Variants in RAP1B observed in about 807,000 individuals in gnomAD.
The protein encoded by RAP1B is RAP1B, member of RAS oncogene family.
A neutral mutation model predicts 27.5 loss-of-function variants in RAP1B; 1 was observed. The observed-to-expected ratio is 0.04, with a 90% CI of 0.01 to 0.17. The LOEUF is 0.17. Ranked by LOEUF, RAP1B falls within the 10% of genes least tolerant of loss-of-function variation. The pLI, the probability that RAP1B is intolerant of heterozygous loss-of-function variation, is 1.00. For synonymous variants in RAP1B, 75 were observed against 73.1 expected, an observed-to-expected ratio of 1.03 and a Z score of -0.13; for missense variants, 84 against 214.8, an observed-to-expected ratio of 0.39 and a Z score of 3.81.
intron 1 of RAP1B, among the ~76,000 whole-genome samples, chr12:68,635,675 G>A (rs771141292): frequency 8.6e-5 from 13 of 151,204 alleles, no homozygotes; most frequent in Admixed American, 2.0e-4. Flanking sequence ...GGCTGGTCTC[G>A]AACTCCTGAC....
chr12:68,646,930 A>AT (rs1265609911), intron 1 of RAP1B, among the ~76,000 whole-genome samples: 1 of 152,174 alleles, frequency 6.6e-6, no homozygotes, highest in African/African-American at 2.4e-5. Flanking sequence ...CCAATTTTCC[A>AT]TTTTAGGTTT....
At chr12:68,642,704 T>G in intron 1 of RAP1B, 1 of 1,137,876 alleles carries the variant, frequency 8.8e-7, no homozygotes, top group South Asian at 1.2e-5. Context: ...AGCACAAGAT[T>G]TCACATCTTT....
At chr12:68,627,734 A>G (rs1871914692) in intron 1 of RAP1B, among the ~76,000 whole-genome samples, 1 of 152,148 alleles carries the variant, frequency 6.6e-6, no homozygotes, top group Non-Finnish European at 1.5e-5. Context: ...ATGTTAATTT[A>G]TCTTTAGAGA....
intron 1 of RAP1B, among the ~76,000 whole-genome samples, chr12:68,623,553 A>G (rs1361534403): frequency 6.6e-6 from 1 of 152,252 alleles, no homozygotes; most frequent in African/African-American, 2.4e-5. Flanking sequence ...ATCAAACACA[A>G]TATTAATGTG....
At position 68,665,778 on chromosome 12, in the gene RAP1B, G is replaced by T. The variant is rs1304543430; in HGVS notation, c.*6529G>T. ...ATCCTCTAATTAGTACCAGGTCTATGTATATCTGCAGCAACTATAAAGTCT... is the reference window on the plus strand; with the variant it reads ...ATCCTCTAATTAGTACCAGGTCTATTTATATCTGCAGCAACTATAAAGTCT... On this transcript the variant is annotated 3_prime_UTR_variant, in exon 8 of 8. Transcript: ENST00000250559. 6.6e-6 allele frequency: 1 copy of T among 151,954 alleles called. No homozygotes were observed. Among genetic ancestry groups the T allele is most frequent in the Non-Finnish European group, 1.5e-5 (1 of 68,008 alleles). The allele number at this position is 151,954 out of a possible 1,614,324, so 9.4% of individuals were successfully genotyped here.
intron 1 of RAP1B, among the ~76,000 whole-genome samples, chr12:68,640,056 G>T (rs1350605087): frequency 6.6e-6 from 1 of 151,870 alleles, no homozygotes; most frequent in Admixed American, 6.6e-5. Flanking sequence ...GGTCAGGATG[G>T]TCTCCATCTC....
At chr12:68,646,653 A>C (rs1294982466) in intron 1 of RAP1B, among the ~76,000 whole-genome samples, 2 of 152,242 alleles carry the variant, frequency 1.3e-5, no homozygotes, top group African/African-American at 4.8e-5. Flanking sequence ...ATATGTAGTC[A>C]GTCCCACTCT....
At chr12:68,642,737 G>T in intron 1 of RAP1B, 1 of 1,075,606 alleles carries the variant, frequency 9.3e-7, no homozygotes, top group Non-Finnish European at 1.4e-6. Context: ...CACCTGCGCA[G>T]TATATTTATC....
chr12:68,653,878 C>A (rs1329687884), intron 4 of RAP1B, among the ~76,000 whole-genome samples: 1 of 151,916 alleles, frequency 6.6e-6, no homozygotes, highest in African/African-American at 2.4e-5. Context: ...TTGCAGTGAG[C>A]CGAGGTCGCG....
intron 1 of RAP1B, among the ~76,000 whole-genome samples, chr12:68,625,882 G>C (rs1203283736): frequency 6.6e-6 from 1 of 151,200 alleles, no homozygotes; most frequent in Non-Finnish European, 1.5e-5. Context: ...AGATCGTGCC[G>C]CTGCACTCCA....
rs1385534539 is a variant in RAP1B, at chr12:68,660,635, A to G, written c.*1386A>G. ...TGCATTTTACACAGCATGGTTTCAT[A>G]ATTTAACATCTGGGCAAGCCAGACT... On this transcript the variant is annotated 3_prime_UTR_variant, in exon 8 of 8. Transcript: ENST00000250559. 6.6e-6 allele frequency: 1 copy of G among 152,558 alleles called. No individual in the cohort carries two copies. Among genetic ancestry groups the G allele is most frequent in the Non-Finnish European group, 1.5e-5 (1 of 68,034 alleles). 9.5% of individuals were successfully genotyped at this position (152,558 alleles called of 1,614,324 possible).
At chr12:68,628,300 AACTGAT>A (rs1251474654) in intron 1 of RAP1B, among the ~76,000 whole-genome samples, 2 of 152,210 alleles carry the variant, frequency 1.3e-5, no homozygotes, top group Non-Finnish European at 2.9e-5. Flanking sequence ...CTGCAGAAAC[AACTGAT>A]ACAAACTGAA....
Position 68,666,105 on chromosome 12 carries a change from C to G in RAP1B, c.*6856C>G, listed in dbSNP as rs1874836918. 6.6e-6 allele frequency: 1 copy of G among 152,280 alleles called. No individual in the cohort carries two copies. Among genetic ancestry groups the G allele is most frequent in the Non-Finnish European group, 1.5e-5 (1 of 68,080 alleles). The allele number at this position is 152,280 out of a possible 1,614,324, so 9.4% of individuals were successfully genotyped here. On this transcript the variant is annotated 3_prime_UTR_variant, in exon 8 of 8. Coordinates refer to ENST00000250559, the MANE Select transcript of RAP1B (RefSeq NM_001010942.3). The stretch of plus-strand genomic sequence containing the variant: ...TGACCTCGTGATCCATCTGCTTCAG[C>G]CTCCCAAAGTGCTGGGATTACTGGC...
chr12:68,614,472 T>G (rs1244104098), intron 1 of RAP1B, among the ~76,000 whole-genome samples: 1 of 152,224 alleles, frequency 6.6e-6, no homozygotes, highest in African/African-American at 2.4e-5. Flanking sequence ...CATTTATGAA[T>G]TAGCTATTTA....
intron 1 of RAP1B, among the ~76,000 whole-genome samples, chr12:68,616,732 C>T (rs144227497): frequency 6.6e-6 from 1 of 152,064 alleles, no homozygotes; most frequent in African/African-American, 2.4e-5. Context: ...CCGCGCCCGG[C>T]CAGGTTTTGT....
rs63676662 is a variant in RAP1B at position 68,662,008 on chromosome 12, C to CTATATATATA, written c.*2775_*2784dup. 192 of 133,884 alleles carry CTATATATATA rather than the reference C, an allele frequency of 1.4e-3. 3 individuals are homozygous for CTATATATATA. The highest frequency in any genetic ancestry group is 3.8e-3 in the African/African-American group (135 of 35,598). The allele number at this position is 133,884 out of a possible 1,614,324, so 8.3% of individuals were successfully genotyped here. A position where few individuals can be genotyped will look rare whatever the true frequency, so the allele number is the denominator to read the frequency against. On this transcript the variant is annotated 3_prime_UTR_variant, in exon 8 of 8. Coordinates refer to ENST00000250559, the MANE Select transcript of RAP1B (RefSeq NM_001010942.3). The stretch of plus-strand genomic sequence containing the variant: ...TGAATGCCAGTGCTATCCTCTAGGT[C>CTATATATATA]TATATATATATATATATATATATAT...
At chr12:68,614,311 T>C (rs1870824812) in intron 1 of RAP1B, among the ~76,000 whole-genome samples, 1 of 152,238 alleles carries the variant, frequency 6.6e-6, no homozygotes, top group Non-Finnish European at 1.5e-5. Context: ...TAGGCTGTTT[T>C]ATTATCGACT....
chr12:68,616,314 T>A (rs953735097), intron 1 of RAP1B, among the ~76,000 whole-genome samples: 1 of 139,814 alleles, frequency 7.2e-6, no homozygotes, highest in Non-Finnish European at 1.6e-5. Context: ...AGACAGAGTC[T>A]CGCTCTGTCA....
chr12:68,651,888 T>C, intron 3 of RAP1B, 107 bp from the exon 4 acceptor site: 1 of 783,218 alleles, frequency 1.3e-6, no homozygotes, highest in Non-Finnish European at 2.1e-6. Context: ...TTTGTAAAGT[T>C]GTTAAAATCT....
Sources: gnomAD v4.1 joint callset for allele counts (sites outside exome capture counted in the v4.1 genomes callset) on GRCh38, gnomAD v4.1.1 for gene constraint, MANE v1.5 for transcripts, NCBI Gene and HGNC (gene_info 2026-07-23, HGNC 2026-07-21) for gene names.